The following SDC1 variants were observed in gnomAD, a reference collection of about 807,000 sequenced individuals.
SDC1 encodes the protein syndecan 1.
Under a neutral mutation model 29.7 loss-of-function variants are expected in SDC1, and 14 were observed. The observed-to-expected ratio is 0.47, with a 90% CI of 0.31 to 0.74. The LOEUF (loss-of-function observed/expected upper bound fraction) is 0.74, where lower values mean the gene tolerates loss of function less well. SDC1 is among the 30% of genes least tolerant of loss of function. The pLI, the probability that SDC1 is intolerant of heterozygous loss-of-function variation, is 0.05. For synonymous variants in SDC1, 204 were observed against 175.5 expected, an observed-to-expected ratio of 1.16 and a Z score of -1.29; for missense variants, 406 against 400.3, an observed-to-expected ratio of 1.01 and a Z score of -0.12.
At chr2:20,218,544 G>GAC (rs1302442723) in intron 1 of SDC1, among the ~76,000 whole-genome samples, 4 of 148,438 alleles carry the variant, frequency 2.7e-5, no homozygotes, top group African/African-American at 4.9e-5. Flanking sequence ...CACACACACA[G>GAC]ACACACACAC....
intron 1 of SDC1, chr2:20,207,818 C>T (rs908045748): frequency 5.3e-6 from 2 of 379,202 alleles, no homozygotes; most frequent in African/African-American, 4.4e-5. Flanking sequence ...CCTGTGCTGC[C>T]TTCCCAGAGC....
chr2:20,213,235 C>T (rs953154653), intron 1 of SDC1, among the ~76,000 whole-genome samples: 3 of 152,168 alleles, frequency 2.0e-5, no homozygotes, highest in Non-Finnish European at 4.4e-5. Context: ...GAGGGCTGGG[C>T]GTGGAGCCGT....
chr2:20,215,857 C>T (rs896340095), intron 1 of SDC1, among the ~76,000 whole-genome samples: 2 of 151,548 alleles, frequency 1.3e-5, no homozygotes, highest in Non-Finnish European at 1.5e-5. Context: ...CAGCCCGAGC[C>T]GGGACTAACC....
chr2:20,213,836 G>A (rs1484347713), intron 1 of SDC1, among the ~76,000 whole-genome samples: 1 of 152,244 alleles, frequency 6.6e-6, no homozygotes, highest in African/African-American at 2.4e-5. Context: ...CACAGAGGCA[G>A]AAACTGCACT....
At position 20,204,158 on chromosome 2, in the gene SDC1, C is replaced by T. The variant is rs961051783; in HGVS notation, c.282G>A (p.Pro94=). 1.3e-5 allele frequency: 21 copies of T among 1,601,376 alleles called. No individual in the cohort carries two copies. The highest frequency in any genetic ancestry group is 5.3e-5 in the African/African-American group (4 of 74,838). The change falls in exon 3 of 5, where the codon CCG becomes CCA. Residue 94 remains proline (P), a synonymous_variant. Transcript: ENST00000254351. Reference sequence around the variant, plus strand: ...CTCCCTCCTTGGGCCCCTCTCCAGCCGGCAGGGTGGAGGTGGAGGCAGCTG... The same window carrying T: ...CTCCCTCCTTGGGCCCCTCTCCAGCTGGCAGGGTGGAGGTGGAGGCAGCTG... The part of the protein sequence containing the change: ...EATAASTSTL[P]AGEGPKEGEA...
chr2:20,203,744 A>T, intron 3 of SDC1, 69 bp downstream of exon 3: 5 of 1,152,746 alleles, frequency 4.3e-6, no homozygotes, highest in Non-Finnish European at 6.2e-6. Flanking sequence ...GCACAGGTGT[A>T]GGGCCTGCCA....
At chr2:20,207,753 G>C (rs1031289814) in intron 1 of SDC1, among the ~76,000 whole-genome samples, 3 of 150,858 alleles carry the variant, frequency 2.0e-5, no homozygotes, top group African/African-American at 7.3e-5. Flanking sequence ...TGCTCCCCCC[G>C]CCTCCACACA....
rs1252215975 is a variant in SDC1 at position 20,224,467 on chromosome 2, C to A, written c.66+335G>T. Among the ~76,000 whole-genome samples, 7 of 151,676 alleles carry A rather than the reference C, an allele frequency of 4.6e-5. No individual in the cohort carries two copies. Among genetic ancestry groups the A allele is most frequent in the Non-Finnish European group, 1.0e-4 (7 of 67,866 alleles). On this transcript the variant is annotated intron_variant, in intron 1 of 4. Coordinates refer to ENST00000254351, the MANE Select transcript of SDC1 (RefSeq NM_002997.5). This position sits in a 1 kb window ranked among gnomAD's most constrained non-coding sequence, Gnocchi z 4.9. ...GTCACCGACGGGGGCCCGGCCGCCGCGGTGGCCGGGGCGAGGAGGGTGGGA... is the reference window on the plus strand; with the variant it reads ...GTCACCGACGGGGGCCCGGCCGCCGAGGTGGCCGGGGCGAGGAGGGTGGGA...
chr2:20,220,517 GT>G (rs1413743317), intron 1 of SDC1, among the ~76,000 whole-genome samples: 1 of 152,080 alleles, frequency 6.6e-6, no homozygotes, highest in Admixed American at 6.5e-5. Context: ...TGAAAGAAAA[GT>G]ACTGAGCACT....
chr2:20,214,813 C>T (rs1049410609), intron 1 of SDC1, among the ~76,000 whole-genome samples: 3 of 152,194 alleles, frequency 2.0e-5, no homozygotes, highest in South Asian at 4.1e-4. Flanking sequence ...CTGAATTAGG[C>T]TCTAGGGAGA....
chr2:20,203,203 G>A lies in SDC1; in HGVS notation c.647C>T (p.Ser216Leu), dbSNP rs140034717. ...SGEQDFTFET[S>L]GENTAVVAVE... Reference sequence around the variant, plus strand: ...GGCCACTACAGCCGTATTCTCCCCCGAGGTTTCAAAGGTGAAGTCCTGTGG... The same window carrying A: ...GGCCACTACAGCCGTATTCTCCCCCAAGGTTTCAAAGGTGAAGTCCTGTGG... The change falls in exon 4 of 5, where the codon TCG (serine) becomes TTG (leucine). Residue 216 changes from serine (S) to leucine (L), a missense_variant. Physicochemically the swap from Ser to Leu is moderately radical, Grantham distance 145. Coordinates refer to ENST00000254351, the MANE Select transcript of SDC1 (RefSeq NM_002997.5). The A allele has an allele frequency of 9.1e-5, 146 of 1,609,074 alleles. No individual in the cohort carries two copies. Among genetic ancestry groups the A allele is most frequent in the East Asian group, 1.1e-4 (5 of 44,710 alleles).
At chr2:20,204,811 C>T (rs941509078) in intron 2 of SDC1, among the ~76,000 whole-genome samples, 2 of 152,228 alleles carry the variant, frequency 1.3e-5, no homozygotes, top group African/African-American at 4.8e-5. Context: ...ACTCAAGAGC[C>T]ACCTCCTCTG....
intron 1 of SDC1, among the ~76,000 whole-genome samples, chr2:20,217,727 C>G (rs3771232): frequency 0.39 from 58,966 of 152,040 alleles, 11,760 homozygotes; most frequent in Middle Eastern, 0.46. Flanking sequence ...GGACCCGTGG[C>G]CCTGGCACCA....
At chr2:20,216,295 C>T (rs1019785188) in intron 1 of SDC1, among the ~76,000 whole-genome samples, 4 of 152,194 alleles carry the variant, frequency 2.6e-5, no homozygotes, top group Non-Finnish European at 4.4e-5. Context: ...ACAATCCCAG[C>T]CTGGCCCTCA....
chr2:20,211,064 C>T (rs777483039), intron 1 of SDC1, among the ~76,000 whole-genome samples: 1 of 152,150 alleles, frequency 6.6e-6, no homozygotes, highest in Non-Finnish European at 1.5e-5. Flanking sequence ...CCAGCCTTTA[C>T]CCCCACCTCT....
In SDC1 at chr2:20,203,132, T is replaced by C. The variant is rs747228317; in HGVS notation, c.718A>G (p.Thr240Ala). 1.9e-6 allele frequency: 3 copies of C among 1,612,192 alleles called. No homozygotes were observed. Among genetic ancestry groups the C allele is most frequent in the Middle Eastern group, 3.3e-4 (2 of 6,082 alleles). Reference sequence around the variant, plus strand: ...TCCAGGAGGCCCTGTGAGGCCCCCGTGGCCCCCTGATCCACTGGGGACTGG... The same window carrying C: ...TCCAGGAGGCCCTGTGAGGCCCCCGCGGCCCCCTGATCCACTGGGGACTGG... ...RNQSPVDQGA[T>A]GASQGLLDRK... The change falls in exon 4 of 5, where the codon ACG becomes GCG. Residue 240 changes from threonine to alanine, a missense_variant. Thr to Ala is a moderately conservative substitution (Grantham distance 58). Transcript: ENST00000254351.
chr2:20,204,496 G>C (rs926061299), intron 2 of SDC1, among the ~76,000 whole-genome samples: 18 of 152,070 alleles, frequency 1.2e-4, no homozygotes, highest in African/African-American at 4.3e-4. Context: ...CATTGTGTGT[G>C]TCCAGGTGCA....
At chr2:20,221,264 G>A (rs1413578959) in intron 1 of SDC1, among the ~76,000 whole-genome samples, 1 of 152,202 alleles carries the variant, frequency 6.6e-6, no homozygotes, top group Admixed American at 6.5e-5. Context: ...CATCTGATTA[G>A]TTTCTTAGTG....
chr2:20,204,442 A>G, intron 2 of SDC1, 151 bp from the exon 3 acceptor site: 2 of 645,420 alleles, frequency 3.1e-6, no homozygotes, highest in South Asian at 3.8e-5. Flanking sequence ...AAGGCAGCTG[A>G]GGCTAAGCTC....
Sources: gnomAD v4.1 joint callset for allele counts (sites outside exome capture counted in the v4.1 genomes callset) on GRCh38, gnomAD v4.1.1 for gene constraint, Gnocchi (gnomAD v3.1) non-coding constraint, MANE v1.5 for transcripts, NCBI Gene and HGNC (gene_info 2026-07-23, HGNC 2026-07-21) for gene names.